Variants in NPM3 observed in about 807,000 individuals in gnomAD.
NPM3 encodes nucleophosmin/nucleoplasmin 3.
Under a neutral mutation model 18.1 loss-of-function variants are expected in NPM3, and 12 were observed. That is an observed-to-expected ratio of 0.66 (90% confidence interval 0.42 to 1.07). NPM3 has a LOEUF of 1.07. Among genes scored for constraint, NPM3 ranks in the 50% least tolerant of loss-of-function variants. NPM3 has a pLI of 0.00. For missense variants in NPM3, 274 were observed against 232.1 expected, an observed-to-expected ratio of 1.18 and a Z score of -1.17; for synonymous variants, 116 against 93.7, an observed-to-expected ratio of 1.24 and a Z score of -1.38.
intron 1 of NPM3, 92 bp from the exon 2 acceptor site, chr10:101,783,016 C>T: frequency 3.4e-6 from 4 of 1,191,144 alleles, no homozygotes; most frequent in Non-Finnish European, 4.9e-6. Flanking sequence ...TAACCTTGGG[C>T]GGACGGGTCA....
In NPM3 at chr10:101,782,157, C is replaced by T. The variant is rs2065145942; in HGVS notation, c.418+101G>A. On this transcript the variant is annotated intron_variant, in intron 4 of 5. Transcript: ENST00000370110. ...GGGCACACAGACCTGTACAGGGCTG[C>T]ACTGGGAGATGAGGGTGGGATGGGG... 5.6e-6 allele frequency: 6 copies of T among 1,080,340 alleles called. No homozygotes were observed. In the Admixed American group the frequency reaches 1.0e-4, roughly 18 times the overall value. 66.9% of individuals were successfully genotyped at this position (1,080,340 alleles called of 1,614,324 possible).
chr10:101,781,928 C>T lies in NPM3; in HGVS notation c.419-74G>A, dbSNP rs1158476275. 4.3e-6 allele frequency: 7 copies of T among 1,612,902 alleles called. No homozygotes were observed. In the East Asian group the frequency reaches 8.9e-5, roughly 21 times the overall value. Reference sequence around the variant, plus strand: ...TTTCACACCGCATGCCATTTCTTCACGCCGTGGTGTTAGGCTTACAGGGAC... The same window carrying T: ...TTTCACACCGCATGCCATTTCTTCATGCCGTGGTGTTAGGCTTACAGGGAC... On this transcript the variant is annotated intron_variant, in intron 4 of 5. Transcript: ENST00000370110.
At chr10:101,783,318 C>G in exon 1 of NPM3, 1 of 1,612,876 alleles carries the variant, frequency 6.2e-7, no homozygotes. Flanking sequence ...ACCCGTAGGC[C>G]CCCGACACCC....
At chr10:101,781,928 C>A in intron 4 of NPM3, 74 bp from the exon 5 acceptor site, 9 of 1,613,020 alleles carry the variant, frequency 5.6e-6, no homozygotes, top group East Asian at 2.2e-5. Context: ...CATTTCTTCA[C>A]GCCGTGGTGT....
intron 2 of NPM3, 87 bp from the exon 3 acceptor site, chr10:101,782,684 C>T (rs1163772439): frequency 5.0e-6 from 8 of 1,598,464 alleles, no homozygotes; most frequent in Non-Finnish European, 6.0e-6. Context: ...CCTGCCCAGC[C>T]TCAGAGGTCC....
Position 101,782,929 on chromosome 10 carries a change from T to G in NPM3, c.119-5A>C. 1 of 1,613,610 alleles carries G rather than the reference T, an allele frequency of 6.2e-7. No homozygotes were observed. On this transcript the variant is annotated splice_region_variant and splice_polypyrimidine_tract_variant and intron_variant, in intron 1 of 5. Transcript: ENST00000370110. ...TGTGGCCGGAGAGCTCACAGCCTGG[T>G]AGAAATAACAGTGAGTATGCCTGAG...
chr10:101,782,323 G>T, exon 4 of NPM3: 1 of 1,613,960 alleles, frequency 6.2e-7, no homozygotes, highest in Non-Finnish European at 8.5e-7. Context: ...GGTTACAGGT[G>T]GTTGGAGCTG....
chr10:101,781,660 T>C (rs1351649529), intron 5 of NPM3, 28 bp from the exon 6 acceptor site: 3 of 1,544,418 alleles, frequency 1.9e-6, no homozygotes, highest in Non-Finnish European at 2.6e-6. Context: ...GGAATCAGCA[T>C]TTAGGCCCTC....
chr10:101,782,208 G>A (rs2065146413), intron 4 of NPM3, 50 bp downstream of exon 4: 2 of 1,507,034 alleles, frequency 1.3e-6, no homozygotes, highest in Admixed American at 1.8e-5. Flanking sequence ...GGGGAAGCCT[G>A]ATGGGAGAGT....
chr10:101,781,906 C>G, intron 4 of NPM3, 52 bp from the exon 5 acceptor site: 1 of 1,613,974 alleles, frequency 6.2e-7, no homozygotes, highest in Non-Finnish European at 8.5e-7. Context: ...CAGACCGTTT[C>G]ACACCGCATG....
chr10:101,783,405 C>T (rs2065159664), exon 1 of NPM3: 1 of 1,556,506 alleles, frequency 6.4e-7, no homozygotes, highest in South Asian at 1.2e-5. Context: ...TAAGAGCCTT[C>T]TTCAAACTCC....
exon 3 of NPM3, chr10:101,782,541 C>T: frequency 6.2e-7 from 1 of 1,614,048 alleles, no homozygotes; most frequent in South Asian, 1.1e-5. Flanking sequence ...GGTCATGGTT[C>T]CGGGCCACAA....
chr10:101,781,966 G>T, intron 4 of NPM3, 112 bp from the exon 5 acceptor site: 1 of 1,563,224 alleles, frequency 6.4e-7, no homozygotes, highest in Non-Finnish European at 8.8e-7. Flanking sequence ...TGACCTCCCA[G>T]TGCTTATGGG....
In NPM3 at chr10:101,782,583, C is replaced by G. The variant is rs992856666; in HGVS notation, c.219G>C (p.Glu73Asp). The G allele has an allele frequency of 3.1e-6, 5 of 1,613,864 alleles. No homozygotes were observed. In the Admixed American group the frequency reaches 8.3e-5, roughly 27 times the overall value. ...CCACATTACACTCGTCTTTGGCTCC[C>G]TCGGTGAGGCAGAGCTGGGAACGGT... The change falls in exon 3 of 6, where the codon GAG becomes GAC. Residue 73 changes from glutamate (E) to aspartate (D), a missense_variant. Physicochemically the swap from Glu to Asp is conservative, Grantham distance 45 (BLOSUM62 2). Transcript: ENST00000370110.
At chr10:101,781,975 G>T in intron 4 of NPM3, 121 bp from the exon 5 acceptor site, 1 of 1,531,368 alleles carries the variant, frequency 6.5e-7, no homozygotes. Context: ...AGTGCTTATG[G>T]GCTAGGTGGG....
intron 1 of NPM3, 121 bp downstream of exon 1, chr10:101,783,152 T>A: frequency 4.5e-6 from 4 of 893,218 alleles, no homozygotes. Flanking sequence ...CCCCCTCTCC[T>A]GCGGGAACAG....
Position 101,782,238 on chromosome 10 carries a change from G to C in NPM3, c.418+20C>G. On this transcript the variant is annotated intron_variant, in intron 4 of 5. Coordinates refer to ENST00000370110, the Ensembl canonical transcript of NPM3. ...GAGAGTCCACTGGAAGCAAAGGAGA[G>C]GGCCCTCCCCTCTTCTCACCAATCT... 6.2e-7 allele frequency: 1 copy of C among 1,603,610 alleles called. No homozygotes were observed. Among genetic ancestry groups the C allele is most frequent in the Non-Finnish European group, 8.5e-7 (1 of 1,172,552 alleles).
chr10:101,782,542 C>T, exon 3 of NPM3: 2 of 1,614,022 alleles, frequency 1.2e-6, no homozygotes. Context: ...GTCATGGTTC[C>T]GGGCCACAAC....
At position 101,783,143 on chromosome 10, in the gene NPM3, CCCCT is replaced by C. The variant is rs2135013657; in HGVS notation, c.118+126_118+129del. The C allele has an allele frequency of 2.3e-5, 20 of 860,560 alleles. No individual in the cohort carries two copies. In the South Asian group the frequency reaches 3.3e-4, roughly 14 times the overall value. The allele number at this position is 860,560 out of a possible 1,614,324, so 53.3% of individuals were successfully genotyped here. A position where few individuals can be genotyped will look rare whatever the true frequency, so the allele number is the denominator to read the frequency against. On this transcript the variant is annotated intron_variant, in intron 1 of 5. Coordinates refer to ENST00000370110, the Ensembl canonical transcript of NPM3. ...CCCCCTTTGGCTGTGCGTGCGAGGC[CCCCT>C]CTCCTGCGGGAACAGCGAAGCAGCC...
Sources: allele counts gnomAD v4.1 joint callset, GRCh38; gene constraint gnomAD v4.1.1; transcripts MANE v1.5; gene names NCBI Gene and HGNC (gene_info 2026-07-23, HGNC 2026-07-21).